CUL7: variants seen among roughly 807,000 people sequenced by gnomAD.
CUL7 encodes the protein cullin-7.
CUL7 carries 96 observed loss-of-function variants against 177.7 expected under a neutral mutation model. The observed-to-expected ratio is 0.54, with a 90% CI of 0.46 to 0.64. The LOEUF is 0.64. Among genes scored for constraint, CUL7 ranks in the 30% least tolerant of loss-of-function variants. CUL7 has a pLI of 0.00. For missense variants in CUL7, 1,893 were observed against 2,187.9 expected, an observed-to-expected ratio of 0.87 and a Z score of 2.69; for synonymous variants, 824 against 890.2, an observed-to-expected ratio of 0.93 and a Z score of 1.32.
Position 43,043,606 on chromosome 6 carries a change from C to A in CUL7, c.3197G>T (p.Gly1066Val), listed in dbSNP as rs1234876528. The change falls in exon 17 of 26, where the codon GGT (glycine) becomes GTT (valine). Residue 1066 changes from glycine (G) to valine (V), a missense_variant. Physicochemically the swap from Gly to Val is moderately radical, Grantham distance 109. This residue lies in a region of CUL7 where 973 missense variants were observed against 1,140.9 expected (regional missense o/e 0.85). Coordinates refer to ENST00000265348, the MANE Select transcript of CUL7 (RefSeq NM_014780.5). The surrounding 1 kb of genome is among the most constrained non-coding windows in gnomAD (Gnocchi z 4.2). Reference protein sequence around the residue: ...SPDEDGISPLGWLLDQYLECQ... With the variant: ...SPDEDGISPLVWLLDQYLECQ... The stretch of plus-strand genomic sequence containing the variant: ...CTCCAGGTACTGGTCCAGCAGCCAA[C>A]CCAGGGGGCTAATGCCATCCTCATC... 6.2e-7 allele frequency: 1 copy of A among 1,611,074 alleles called. No homozygotes were observed. Among genetic ancestry groups the A allele is most frequent in the Non-Finnish European group, 8.5e-7 (1 of 1,178,540 alleles).
intron 19 of CUL7, among the ~76,000 whole-genome samples, chr6:43,041,663 GAGGGAAGGGAAGGGAAAGGAAGGGGA>G (rs1434076376): frequency 6.6e-6 from 1 of 150,766 alleles, no homozygotes; most frequent in African/African-American, 2.4e-5. Flanking sequence ...GAAAAGAGGG[GAGGGAAGGGAAGGGAAAGGAAGGGGA>G]AGGGAAGGGA....
chr6:43,040,260 T>C lies in CUL7; in HGVS notation c.4190A>G (p.His1397Arg). 6.2e-7 allele frequency: 1 copy of C among 1,614,014 alleles called. No homozygotes were observed. Among genetic ancestry groups the C allele is most frequent in the Admixed American group, 1.7e-5 (1 of 59,998 alleles). Reference sequence around the variant, plus strand: ...GCAGATTGAGGCAACAGGCCAGGAGTGTCGGGACAGGACAAGCACAGACAC... The same window carrying C: ...GCAGATTGAGGCAACAGGCCAGGAGCGTCGGGACAGGACAAGCACAGACAC... ...PEVSVLVLSR[H>R]SWPVASICHT... Residue 1397 changes from histidine to arginine, a missense_variant, in exon 22 of 26, where the codon CAC (histidine) becomes CGC (arginine). His to Arg is a conservative substitution (Grantham distance 29, BLOSUM62 0). Around this residue, in one of 5 missense-constraint regions of CUL7, gnomAD observed 973 missense variants for 1,140.9 expected, o/e 0.85. Coordinates refer to ENST00000265348, the MANE Select transcript of CUL7 (RefSeq NM_014780.5). This position sits in a 1 kb window ranked among gnomAD's most constrained non-coding sequence, Gnocchi z 4.2.
chr6:43,038,913 G>A lies in CUL7; in HGVS notation c.4369C>T (p.Gln1457Ter), dbSNP rs1352415460. 2.5e-6 allele frequency: 4 copies of A among 1,614,082 alleles called. No homozygotes were observed. The highest frequency in any genetic ancestry group is 1.7e-5 in the Admixed American group (1 of 60,022). Residue 1457 changes from glutamine (Q) to a stop codon, truncating the protein, a stop_gained, in exon 23 of 26, where the codon CAG becomes TAG. Transcript: ENST00000265348. LOFTEE classifies it high-confidence loss of function. ...ACATGCAGGGTCTGGTTCCCAAACT[G>A]CAGCTCAGCCCAGCCCAGCCACGTC... ...QWTWLGWAELQFGNQTLHVST... is the reference protein window; with the variant it reads ...QWTWLGWAEL
rs764305526 is a variant in CUL7 at position 43,040,673 on chromosome 6, G to A, written c.3880C>T (p.Pro1294Ser). 1 of 1,614,168 alleles carries A rather than the reference G, an allele frequency of 6.2e-7. No individual in the cohort carries two copies. Among genetic ancestry groups the A allele is most frequent in the African/African-American group, 1.3e-5 (1 of 75,034 alleles). Residue 1294 changes from proline to serine, a missense_variant, in exon 21 of 26, where the codon CCC becomes TCC. This residue lies in a region of CUL7 where 973 missense variants were observed against 1,140.9 expected (regional missense o/e 0.85). Transcript: ENST00000265348. This position sits in a 1 kb window ranked among gnomAD's most constrained non-coding sequence, Gnocchi z 4.2. The part of the protein sequence containing the change: ...LEGAVLEQIG[P>S]CFPNRLPQQM... ...TGGGGGAGGCGGTTGGGGAAGCAGGGACCGATCTGCTCCAGCACGGCCCCC... is the reference window on the plus strand; with the variant it reads ...TGGGGGAGGCGGTTGGGGAAGCAGGAACCGATCTGCTCCAGCACGGCCCCC...
At position 43,052,324 on chromosome 6, in the gene CUL7, T is replaced by G; in HGVS notation, c.465A>C (p.Gly155=). The G allele has an allele frequency of 6.2e-7, 1 of 1,614,196 alleles. No individual in the cohort carries two copies. Among genetic ancestry groups the G allele is most frequent in the East Asian group, 2.2e-5 (1 of 44,888 alleles). ...CCAGGACCCTTGGGTCCTTGAATACTCCAGTGAGGGGCTCAATGCTGGCAT... is the reference window on the plus strand; with the variant it reads ...CCAGGACCCTTGGGTCCTTGAATACGCCAGTGAGGGGCTCAATGCTGGCAT... ...SAYASIEPLT[G]VFKDPRVLDL... The change falls in exon 2 of 26, where the codon GGA becomes GGC. Residue 155 remains glycine (G), a synonymous_variant. Transcript: ENST00000265348. The surrounding 1 kb of genome is among the most constrained non-coding windows in gnomAD (Gnocchi z 4.5).
chr6:43,038,817 G>A, intron 23 of CUL7, 25 bp downstream of exon 23: 1 of 1,614,222 alleles, frequency 6.2e-7, no homozygotes. Flanking sequence ...GGAGACAGGA[G>A]AGAGGTGCAG....
intron 23 of CUL7, 41 bp from the exon 24 acceptor site, chr6:43,038,733 G>T (rs770261483): frequency 1.2e-6 from 2 of 1,612,908 alleles, no homozygotes; most frequent in African/African-American, 2.7e-5. Context: ...CCTCCCCAAG[G>T]AGTGGAGAGA....
Position 43,051,228 on chromosome 6 carries a change from G to C in CUL7, c.973C>G (p.Arg325Gly), listed in dbSNP as rs1206663294. Residue 325 changes from arginine to glycine, a missense_variant, in exon 4 of 26, where the codon CGG becomes GGG. Arg to Gly is a moderately radical substitution (Grantham distance 125, BLOSUM62 -2). Transcript: ENST00000265348. This position sits in a 1 kb window ranked among gnomAD's most constrained non-coding sequence, Gnocchi z 5.0. ...QASDRPRSSARSPGSIFQPQL... is the reference protein window; with the variant it reads ...QASDRPRSSAGSPGSIFQPQL... ...GGCTGGAAGATGGAACCGGGGGACC[G>C]TGCTGAGCTCCTTGGTCTGTCTGAG... 9.3e-6 allele frequency: 15 copies of C among 1,614,104 alleles called. No individual in the cohort carries two copies. The highest frequency in any genetic ancestry group is 1.3e-5 in the Non-Finnish European group (15 of 1,179,998).
In CUL7 at chr6:43,050,879, GCCTGCTGGAGCC is replaced by G; in HGVS notation, c.1233+77_1233+88del. The G allele has an allele frequency of 6.7e-7, 1 of 1,499,428 alleles. No individual in the cohort carries two copies. The highest frequency in any genetic ancestry group is 2.3e-4 in the Middle Eastern group (1 of 4,352). 92.9% of individuals were successfully genotyped at this position (1,499,428 alleles called of 1,614,324 possible). A position where few individuals can be genotyped will look rare whatever the true frequency, so the allele number is the denominator to read the frequency against. On this transcript the variant is annotated intron_variant, in intron 4 of 25. Transcript: ENST00000265348. The surrounding 1 kb of genome is among the most constrained non-coding windows in gnomAD (Gnocchi z 4.1). ...TTACCTAAAGCTTTCTCTTTGGGTG[GCCTGCTGGAGCC>G]CCCCCATATAGAAGTCCCAGCTCTG... is the stretch of plus-strand genomic sequence containing the variant.
Position 43,050,185 on chromosome 6 carries a change from A to G in CUL7, c.1373-26T>C, listed in dbSNP as rs760138309. On this transcript the variant is annotated intron_variant, in intron 5 of 25. Transcript: ENST00000265348. This position sits in a 1 kb window ranked among gnomAD's most constrained non-coding sequence, Gnocchi z 4.1. ...CTGTGAAAATGGGCCAAGGGGCACAAGGATGTCACTAGCAACTCAGCAGGA... is the reference window on the plus strand; with the variant it reads ...CTGTGAAAATGGGCCAAGGGGCACAGGGATGTCACTAGCAACTCAGCAGGA... 1 of 1,614,190 alleles carries G rather than the reference A, an allele frequency of 6.2e-7. No homozygotes were observed. Among genetic ancestry groups the G allele is most frequent in the Non-Finnish European group, 8.5e-7 (1 of 1,180,034 alleles).
Position 43,043,693 on chromosome 6 carries a change from G to A in CUL7, c.3173-63C>T. On this transcript the variant is annotated intron_variant, in intron 16 of 25. Coordinates refer to ENST00000265348, the MANE Select transcript of CUL7 (RefSeq NM_014780.5). This position sits in a 1 kb window ranked among gnomAD's most constrained non-coding sequence, Gnocchi z 4.2. The stretch of plus-strand genomic sequence containing the variant: ...TCTGCAGGGAAGTGGGAGTGGTTGG[G>A]CTGAACAGGAGTGTGGAGATAGAGC... 9.0e-7 allele frequency: 1 copy of A among 1,115,668 alleles called. No individual in the cohort carries two copies. Among genetic ancestry groups the A allele is most frequent in the Non-Finnish European group, 1.3e-6 (1 of 747,486 alleles). The allele number at this position is 1,115,668 out of a possible 1,614,324, so 69.1% of individuals were successfully genotyped here. A position where few individuals can be genotyped will look rare whatever the true frequency, so the allele number is the denominator to read the frequency against.
intron 16 of CUL7, 118 bp downstream of exon 16, chr6:43,044,634 A>G: frequency 7.1e-7 from 1 of 1,407,092 alleles, no homozygotes; most frequent in Non-Finnish European, 9.6e-7. Flanking sequence ...GGGATTACAA[A>G]TGCAGGTGCC....
rs1487039914 is a variant in CUL7 at position 43,050,436 on chromosome 6, G to A, written c.1234-38C>T. On this transcript the variant is annotated intron_variant, in intron 4 of 25. Transcript: ENST00000265348. The surrounding 1 kb of genome is among the most constrained non-coding windows in gnomAD (Gnocchi z 4.1). Reference sequence around the variant, plus strand: ...GAAAGAAAGAGGGAAGGGGAAGGGAGGACTCACAAATGACTGGCTGTGGCC... The same window carrying A: ...GAAAGAAAGAGGGAAGGGGAAGGGAAGACTCACAAATGACTGGCTGTGGCC... 6 of 1,613,092 alleles carry A rather than the reference G, an allele frequency of 3.7e-6. No individual in the cohort carries two copies. The South Asian group carries it at 6.6e-5, about 18-fold the overall frequency.
chr6:43,040,441 G>T lies in CUL7; in HGVS notation c.4024-15C>A. 6.2e-7 allele frequency: 1 copy of T among 1,612,158 alleles called. No individual in the cohort carries two copies. The highest frequency in any genetic ancestry group is 8.5e-7 in the Non-Finnish European group (1 of 1,180,014). ...CCAAGGCCCACCTGAAGGAGCACAG[G>T]GTTCCCAGATGCCATGGCCTCCTCC... is the stretch of plus-strand genomic sequence containing the variant. On this transcript the variant is annotated splice_polypyrimidine_tract_variant and intron_variant, in intron 21 of 25. Transcript: ENST00000265348. This position sits in a 1 kb window ranked among gnomAD's most constrained non-coding sequence, Gnocchi z 4.2.
At chr6:43,047,830 G>C (rs1764043857) in intron 9 of CUL7, 1 of 368,484 alleles carries the variant, frequency 2.7e-6, no homozygotes, top group African/African-American at 2.0e-5. Context: ...GCTTATATTT[G>C]CATAAGGGAA....
At chr6:43,049,368 T>G in intron 7 of CUL7, 39 bp downstream of exon 7, 1 of 1,613,836 alleles carries the variant, frequency 6.2e-7, no homozygotes, top group Non-Finnish European at 8.5e-7. Context: ...GCTACTGCCC[T>G]GAAGGTGTGT....
At chr6:43,039,064 T>C in intron 22 of CUL7, 77 bp from the exon 23 acceptor site, 1 of 948,210 alleles carries the variant, frequency 1.1e-6, no homozygotes, top group Non-Finnish European at 1.7e-6. Context: ...TGCACGCTGG[T>C]CACGCTCTGT....
chr6:43,049,358 G>A lies in CUL7; in HGVS notation c.1825+49C>T, dbSNP rs1011884208. On this transcript the variant is annotated intron_variant, in intron 7 of 25. Coordinates refer to ENST00000265348, the MANE Select transcript of CUL7 (RefSeq NM_014780.5). ...AAATCAGCACAGACATCTCTCCTGT[G>A]CTACTGCCCTGAAGGTGTGTCAGCT... 6 of 1,612,982 alleles carry A rather than the reference G, an allele frequency of 3.7e-6. No homozygotes were observed. The African/African-American group carries it at 8.0e-5, about 22-fold the overall frequency.
Position 43,048,672 on chromosome 6 carries a change from AAT to A in CUL7, c.1826-105_1826-104del, listed in dbSNP as rs1312884516. 16 of 861,048 alleles carry A rather than the reference AAT, an allele frequency of 1.9e-5. No individual in the cohort carries two copies. In the East Asian group the frequency reaches 4.0e-4, roughly 21 times the overall value. The allele number at this position is 861,048 out of a possible 1,614,324, so 53.3% of individuals were successfully genotyped here. A position where few individuals can be genotyped will look rare whatever the true frequency, so the allele number is the denominator to read the frequency against. On this transcript the variant is annotated intron_variant, in intron 7 of 25. Transcript: ENST00000265348. ...TCTTTTTCTCTAATTTCTCCTAAAA[AAT>A]GTTTTAAATTTTTTAATCCCCCTAA...
Sources: allele counts gnomAD v4.1 joint callset (sites outside exome capture counted in the v4.1 genomes callset), GRCh38; gene constraint gnomAD v4.1.1; regional missense constraint gnomAD v4.1.1; non-coding constraint Gnocchi (gnomAD v3.1); transcripts MANE v1.5; gene names NCBI Gene and HGNC (gene_info 2026-07-23, HGNC 2026-07-21).